Variants in IKBKE observed in about 807,000 individuals in gnomAD.
IKBKE encodes inhibitor of nuclear factor kappa B kinase subunit epsilon.
In IKBKE, 45 loss-of-function variants were observed where a neutral mutation model predicts 92.1. The observed-to-expected ratio is 0.49, with a 90% confidence interval of 0.38 to 0.63. The LOEUF (loss-of-function observed/expected upper bound fraction) is 0.63. IKBKE is among the 20% of genes least tolerant of loss of function. The pLI is 0.00. For synonymous variants in IKBKE, 374 were observed against 380.3 expected (o/e 0.98, Z 0.19); for missense variants, 700 against 932.8 (o/e 0.75, Z 3.25).
At chr1:206,483,643 T>C (rs1174086918) in intron 13 of IKBKE, among the ~76,000 whole-genome samples, 1 of 152,186 alleles carries the variant, frequency 6.6e-6, no homozygotes, top group Non-Finnish European at 1.5e-5. Context: ...TATATACTAA[T>C]GGTAGAAAGT....
intron 2 of IKBKE, 79 bp downstream of exon 2, chr1:206,471,324 A>T (rs1422338687): frequency 1.3e-5 from 2 of 152,328 alleles, no homozygotes; most frequent in African/African-American, 4.8e-5. Context: ...CACATGCTTC[A>T]CTGTCCACTG....
At chr1:206,493,229 G>A (rs1553391120) in intron 19 of IKBKE, 37 bp from the exon 20 acceptor site, 1 of 1,585,462 alleles carries the variant, frequency 6.3e-7, no homozygotes, top group South Asian at 1.1e-5. Context: ...ACATAAGCTG[G>A]CTACTAATTG....
At chr1:206,492,986 CCTG>C in intron 18 of IKBKE, 34 bp from the exon 19 acceptor site, 1 of 1,532,398 alleles carries the variant, frequency 6.5e-7, no homozygotes, top group Non-Finnish European at 8.9e-7. Flanking sequence ...TGGGCTGAGT[CCTG>C]CTCTAATTCT....
rs1400601380 is a variant in IKBKE, at chr1:206,496,427, T to A, written c.*282T>A. 1.5e-5 allele frequency: 7 copies of A among 470,024 alleles called. No homozygotes were observed. The highest frequency in any genetic ancestry group is 2.7e-5 in the Non-Finnish European group (7 of 259,778). 29.1% of individuals were successfully genotyped at this position (470,024 alleles called of 1,614,324 possible). On this transcript the variant is annotated 3_prime_UTR_variant, in exon 22 of 22. Transcript: ENST00000581977. ...TTCTATCTTCTCTAGGCTCAGGTAC[T>A]GCTCCTCCATGCCCATGGCTGGGCC... is the stretch of plus-strand genomic sequence containing the variant.
chr1:206,489,369 G>GTGTA (rs1452670242), intron 16 of IKBKE, among the ~76,000 whole-genome samples: 21 of 119,202 alleles, frequency 1.8e-4, no homozygotes, highest in Middle Eastern at 3.9e-3. Context: ...GTGTGTGTGT[G>GTGTA]TATATATATA....
chr1:206,474,512 C>T, intron 4 of IKBKE, 41 bp downstream of exon 4: 1 of 1,571,050 alleles, frequency 6.4e-7, no homozygotes. Context: ...TTGTCCTTGA[C>T]CCTTATGGTC....
rs559856556 is a variant in IKBKE at position 206,471,824 on chromosome 1, A to G, written c.-33+579A>G. 9.2e-5 allele frequency among the ~76,000 whole-genome samples: 14 copies of G among 152,394 alleles called. No individual in the cohort carries two copies. In the East Asian group the frequency reaches 2.7e-3, roughly 29 times the overall value. ...GACATTATCAAGGATTTGCATTTTTAAAAAAGATTACACAGAGAAAAAGTT... is the reference window on the plus strand; with the variant it reads ...GACATTATCAAGGATTTGCATTTTTGAAAAAGATTACACAGAGAAAAAGTT... On this transcript the variant is annotated intron_variant, in intron 2 of 21. Transcript: ENST00000581977.
rs1572256485 is a variant in IKBKE at position 206,485,653 on chromosome 1, G to A, written c.1616+347G>A. 6.6e-6 allele frequency among the ~76,000 whole-genome samples: 1 copy of A among 152,142 alleles called. No individual in the cohort carries two copies. Among genetic ancestry groups the A allele is most frequent in the East Asian group, 1.9e-4 (1 of 5,190 alleles). Reference sequence around the variant, plus strand: ...GTCCTCTCACGTACAGCATCTCGTTGAATCCTGAAAACAATAATGATGCTA... The same window carrying A: ...GTCCTCTCACGTACAGCATCTCGTTAAATCCTGAAAACAATAATGATGCTA... On this transcript the variant is annotated intron_variant, in intron 15 of 21. Coordinates refer to ENST00000581977, the MANE Select transcript of IKBKE (RefSeq NM_014002.4). This position sits in a 1 kb window ranked among gnomAD's most constrained non-coding sequence, Gnocchi z 5.0.
chr1:206,494,035 GCTA>G, intron 21 of IKBKE, 44 bp downstream of exon 21: 1 of 1,554,634 alleles, frequency 6.4e-7, no homozygotes, highest in Non-Finnish European at 8.9e-7. Context: ...GGGTCTTCAA[GCTA>G]CCCTTGCCTG....
At position 206,476,118 on chromosome 1, in the gene IKBKE, G is replaced by A; in HGVS notation, c.359-63G>A. 1 of 1,522,624 alleles carries A rather than the reference G, an allele frequency of 6.6e-7. No homozygotes were observed. The highest frequency in any genetic ancestry group is 9.0e-7 in the Non-Finnish European group (1 of 1,105,118). The allele number at this position is 1,522,624 out of a possible 1,614,324, so 94.3% of individuals were successfully genotyped here. A position where few individuals can be genotyped will look rare whatever the true frequency, so the allele number is the denominator to read the frequency against. On this transcript the variant is annotated intron_variant, in intron 5 of 21. Coordinates refer to ENST00000581977, the MANE Select transcript of IKBKE (RefSeq NM_014002.4). The surrounding 1 kb of genome is among the most constrained non-coding windows in gnomAD (Gnocchi z 5.1). ...GCAAGGACAGCCTTCCCACCAAGAT[G>A]AGCCTCAGACACTAGACTGTCCCCG...
chr1:206,484,897 C>T (rs1485064846), intron 13 of IKBKE, 100 bp from the exon 14 acceptor site: 2 of 960,954 alleles, frequency 2.1e-6, no homozygotes, highest in Non-Finnish European at 1.7e-6. Context: ...AAGGCTGTCC[C>T]ACAGATGCTA....
rs781889775 is a variant in IKBKE at position 206,485,109 on chromosome 1, A to G, written c.1503+37A>G. 6.2e-7 allele frequency: 1 copy of G among 1,602,958 alleles called. No individual in the cohort carries two copies. Among genetic ancestry groups the G allele is most frequent in the Non-Finnish European group, 8.5e-7 (1 of 1,169,800 alleles). ...TGGAGGGCAAGGGCTTAGCAGGATC[A>G]GAGCTGGGGGCCCGTGTTCCAGCCA... On this transcript the variant is annotated intron_variant, in intron 14 of 21. Transcript: ENST00000581977. The surrounding 1 kb of genome is among the most constrained non-coding windows in gnomAD (Gnocchi z 5.0).
Position 206,496,485 on chromosome 1 carries a change from C to A in IKBKE, c.*340C>A, listed in dbSNP as rs1030558891. 5.5e-6 allele frequency: 2 copies of A among 360,974 alleles called. No homozygotes were observed. The highest frequency in any genetic ancestry group is 9.1e-5 in the East Asian group (2 of 22,028). The allele number at this position is 360,974 out of a possible 1,614,324, so 22.4% of individuals were successfully genotyped here. On this transcript the variant is annotated 3_prime_UTR_variant, in exon 22 of 22. Transcript: ENST00000581977. ...GAAGAAGCTCTCATACGCCTTCCCA[C>A]TCCCTCTGGTTTATAGGACTTCACT...
chr1:206,492,866 C>A (rs1572268537), intron 18 of IKBKE, 157 bp from the exon 19 acceptor site: 1 of 723,718 alleles, frequency 1.4e-6, no homozygotes, highest in Non-Finnish European at 2.5e-6. Flanking sequence ...GTGGGGCGGG[C>A]AAGCGTGGAG....
chr1:206,494,480 C>A (rs782374438), intron 21 of IKBKE, among the ~76,000 whole-genome samples: 1 of 152,026 alleles, frequency 6.6e-6, no homozygotes, highest in Non-Finnish European at 1.5e-5. Flanking sequence ...AGGATCATCT[C>A]CTGATTTGAC....
At position 206,473,176 on chromosome 1, in the gene IKBKE, C is replaced by CCAG. The variant is rs1664870988; in HGVS notation, c.-32-17_-32-15dup. The CCAG allele has an allele frequency of 5.5e-6, 8 of 1,455,446 alleles. No individual in the cohort carries two copies. The East Asian group carries it at 1.9e-4, about 34-fold the overall frequency. The allele number at this position is 1,455,446 out of a possible 1,614,324, so 90.2% of individuals were successfully genotyped here. On this transcript the variant is annotated intron_variant, in intron 2 of 21. Transcript: ENST00000581977. ...GTGCCAGGAATGGAATCCTGGGCCCCCAGCATGCTCTTTCTCTAGGCAGAA... is the reference window on the plus strand; with the variant it reads ...GTGCCAGGAATGGAATCCTGGGCCCCCAGCAGCATGCTCTTTCTCTAGGCAGAA...
Position 206,478,311 on chromosome 1 carries a change from C to T in IKBKE, c.964C>T (p.His322Tyr), listed in dbSNP as rs543016946. The change falls in exon 9 of 22, where the codon CAC (histidine) becomes TAC (tyrosine). Residue 322 changes from histidine to tyrosine, a missense_variant. Transcript: ENST00000581977. The surrounding 1 kb of genome is among the most constrained non-coding windows in gnomAD (Gnocchi z 4.8). The stretch of plus-strand genomic sequence containing the variant: ...CTTCTCCCTGTCCCAGGCAGTCCTG[C>T]ACCACATCTATATCCATGCCCACAA... ...HVFSLSQAVL[H>Y]HIYIHAHNTI... 2.4e-5 allele frequency: 39 copies of T among 1,613,848 alleles called. No individual in the cohort carries two copies. The Middle Eastern group carries it at 4.9e-4, about 20-fold the overall frequency.
rs2103472942 is a variant in IKBKE at position 206,485,337 on chromosome 1, G to A, written c.1616+31G>A. 1 of 1,260,366 alleles carries A rather than the reference G, an allele frequency of 7.9e-7. No individual in the cohort carries two copies. The highest frequency in any genetic ancestry group is 1.2e-6 in the Non-Finnish European group (1 of 858,386). 78.1% of individuals were successfully genotyped at this position (1,260,366 alleles called of 1,614,324 possible). On this transcript the variant is annotated intron_variant, in intron 15 of 21. Coordinates refer to ENST00000581977, the MANE Select transcript of IKBKE (RefSeq NM_014002.4). This position sits in a 1 kb window ranked among gnomAD's most constrained non-coding sequence, Gnocchi z 5.0. ...TGGGATTTTCCTTCTTTGTGGGGTGGGAGTGGGGGAGTGGGCAGCTCCAAA... is the reference window on the plus strand; with the variant it reads ...TGGGATTTTCCTTCTTTGTGGGGTGAGAGTGGGGGAGTGGGCAGCTCCAAA...
chr1:206,496,364 C>T lies in IKBKE; in HGVS notation c.*219C>T. 2 of 561,850 alleles carry T rather than the reference C, an allele frequency of 3.6e-6. No individual in the cohort carries two copies. The highest frequency in any genetic ancestry group is 2.2e-5 in the South Asian group (1 of 44,874). The allele number at this position is 561,850 out of a possible 1,614,324, so 34.8% of individuals were successfully genotyped here. Reference sequence around the variant, plus strand: ...GCACCAGGCCACCTCTGTTGGGACCCACAGGAAAGAGTGTGGCAGCAACTG... The same window carrying T: ...GCACCAGGCCACCTCTGTTGGGACCTACAGGAAAGAGTGTGGCAGCAACTG... On this transcript the variant is annotated 3_prime_UTR_variant, in exon 22 of 22. Coordinates refer to ENST00000581977, the MANE Select transcript of IKBKE (RefSeq NM_014002.4).
Sources: allele counts gnomAD v4.1 joint callset (sites outside exome capture counted in the v4.1 genomes callset), GRCh38; gene constraint gnomAD v4.1.1; non-coding constraint Gnocchi (gnomAD v3.1); transcripts MANE v1.5; gene names NCBI Gene and HGNC (gene_info 2026-07-23, HGNC 2026-07-21).